The following CACNA2D2 variants were observed in gnomAD, a reference collection of about 807,000 sequenced individuals.
CACNA2D2 encodes the protein voltage-dependent calcium channel subunit alpha-2/delta-2.
Under a neutral mutation model 166.4 loss-of-function variants are expected in CACNA2D2, and 48 were observed. That is an observed-to-expected ratio of 0.29 (90% CI 0.23 to 0.37). The LOEUF (loss-of-function observed/expected upper bound fraction) is 0.37, where lower values mean the gene tolerates loss of function less well. CACNA2D2 is among the 10% of genes least tolerant of loss of function. CACNA2D2 has a pLI of 1.00. For synonymous variants in CACNA2D2, 561 were observed against 573.7 expected (o/e 0.98, Z 0.32); for missense variants, 1,122 against 1,433.0 (o/e 0.78, Z 3.50).
rs79686924 is a variant in CACNA2D2, at chr3:50,374,948, G to T, written c.1908-135C>A. 6.4e-3 allele frequency: 4,739 copies of T among 736,100 alleles called. 33 individuals carry two copies. Among genetic ancestry groups the T allele is most frequent in the Non-Finnish European group, 7.6e-3 (3,267 of 430,904 alleles). 45.6% of individuals were successfully genotyped at this position (736,100 alleles called of 1,614,324 possible). On this transcript the variant is annotated intron_variant, in intron 21 of 37. Coordinates refer to ENST00000424201, the MANE Select transcript of CACNA2D2 (RefSeq NM_006030.4). ...CCCACCACCAGGGACCCCTCTCCCCGCTTAGCTGCAGGAGGTTCATGGTCT... is the reference window on the plus strand; with the variant it reads ...CCCACCACCAGGGACCCCTCTCCCCTCTTAGCTGCAGGAGGTTCATGGTCT...
At chr3:50,444,881 A>G (rs1243621719) in intron 2 of CACNA2D2, among the ~76,000 whole-genome samples, 3 of 152,188 alleles carry the variant, frequency 2.0e-5, no homozygotes, top group Non-Finnish European at 4.4e-5. Flanking sequence ...GTACCAGTGC[A>G]CAGATGCAGC....
At chr3:50,443,396 G>A (rs1368196598) in intron 2 of CACNA2D2, among the ~76,000 whole-genome samples, 1 of 152,216 alleles carries the variant, frequency 6.6e-6, no homozygotes, top group Admixed American at 6.5e-5. Context: ...GCCAGACAGG[G>A]CTCAGCGCAT....
chr3:50,394,299 G>A (rs1219508452), intron 3 of CACNA2D2, 131 bp from the exon 4 acceptor site: 3 of 709,740 alleles, frequency 4.2e-6, no homozygotes, highest in Non-Finnish European at 7.6e-6. Context: ...CTCATCCTAC[G>A]AGACCCTCAG....
At chr3:50,489,682 C>G (rs1698443325) in intron 1 of CACNA2D2, among the ~76,000 whole-genome samples, 1 of 152,210 alleles carries the variant, frequency 6.6e-6, no homozygotes, top group South Asian at 2.1e-4. Flanking sequence ...AAGCCTCTCC[C>G]CTACTCAACT....
intron 2 of CACNA2D2, among the ~76,000 whole-genome samples, chr3:50,449,452 G>A (rs1055350468): frequency 6.6e-6 from 1 of 152,186 alleles, no homozygotes; most frequent in Non-Finnish European, 1.5e-5. Context: ...CACTCCTTAG[G>A]CTCAACCCTG....
rs927713126 is a variant in CACNA2D2 at position 50,379,355 on chromosome 3, C to G, written c.1152+77G>C. The G allele has an allele frequency of 1.9e-6, 3 of 1,554,774 alleles. No homozygotes were observed. Among genetic ancestry groups the G allele is most frequent in the African/African-American group, 2.7e-5 (2 of 73,674 alleles). Reference sequence around the variant, plus strand: ...CCTGTTTGGTGCTAACGAGGCCATCCGTCTTGATTTCCTGGGTACACCAAG... The same window carrying G: ...CCTGTTTGGTGCTAACGAGGCCATCGGTCTTGATTTCCTGGGTACACCAAG... On this transcript the variant is annotated intron_variant, in intron 11 of 37. Transcript: ENST00000424201. This position sits in a 1 kb window ranked among gnomAD's most constrained non-coding sequence, Gnocchi z 6.5.
rs1709738874 is a variant in CACNA2D2, at chr3:50,464,505, C to CCGTT, written c.288+11612_288+11613insAACG. On this transcript the variant is annotated intron_variant, in intron 2 of 37. Coordinates refer to ENST00000424201, the MANE Select transcript of CACNA2D2 (RefSeq NM_006030.4). The stretch of plus-strand genomic sequence containing the variant: ...CTGGTGGCCCTGTTCAATGAGGGAA[C>CCGTT]CTATCCAGCCTCCTGGGAAACCCTG... 3.9e-5 allele frequency among the ~76,000 whole-genome samples: 6 copies of CCGTT among 152,276 alleles called. No homozygotes were observed. The South Asian group carries it at 1.2e-3, about 32-fold the overall frequency.
chr3:50,439,044 A>C (rs1327977907), intron 2 of CACNA2D2, among the ~76,000 whole-genome samples: 2 of 152,272 alleles, frequency 1.3e-5, no homozygotes, highest in Non-Finnish European at 2.9e-5. Flanking sequence ...GTTAAGGCGC[A>C]TGCAAAACTG....
At chr3:50,396,966 A>G (rs967079116) in intron 3 of CACNA2D2, among the ~76,000 whole-genome samples, 10 of 152,178 alleles carry the variant, frequency 6.6e-5, no homozygotes, top group Admixed American at 5.9e-4. Context: ...AGGCTGGGCC[A>G]TGACCCTGAG....
intron 2 of CACNA2D2, among the ~76,000 whole-genome samples, chr3:50,475,838 C>G (rs1710286175): frequency 6.6e-6 from 1 of 152,258 alleles, no homozygotes; most frequent in African/African-American, 2.4e-5. Flanking sequence ...AGACACAGAC[C>G]TCTCCCTCCT....
Position 50,367,348 on chromosome 3 carries a change from G to T in CACNA2D2, c.2401+46C>A. 1 of 1,539,340 alleles carries T rather than the reference G, an allele frequency of 6.5e-7. No individual in the cohort carries two copies. The highest frequency in any genetic ancestry group is 9.0e-7 in the Non-Finnish European group (1 of 1,114,732). ...CAGTTCTGGCTGAGCAGACAGGGAA[G>T]CTGAGGCTCCCTGCCTGCTGCTGGG... On this transcript the variant is annotated intron_variant, in intron 27 of 37. Coordinates refer to ENST00000424201, the MANE Select transcript of CACNA2D2 (RefSeq NM_006030.4). This position sits in a 1 kb window ranked among gnomAD's most constrained non-coding sequence, Gnocchi z 6.5.
chr3:50,412,659 C>T (rs763541886), intron 3 of CACNA2D2, among the ~76,000 whole-genome samples: 4 of 152,170 alleles, frequency 2.6e-5, no homozygotes, highest in Admixed American at 6.5e-5. Context: ...GATGCAGCTG[C>T]TGCTCTGAGG....
chr3:50,365,939 A>T lies in CACNA2D2; in HGVS notation c.2862+72T>A. The T allele has an allele frequency of 6.2e-7, 1 of 1,611,596 alleles. No homozygotes were observed. The highest frequency in any genetic ancestry group is 8.5e-7 in the Non-Finnish European group (1 of 1,178,996). On this transcript the variant is annotated intron_variant, in intron 32 of 37. Transcript: ENST00000424201. The surrounding 1 kb of genome is among the most constrained non-coding windows in gnomAD (Gnocchi z 4.5). ...CACCCCCAGCTTTATCAAATGTCAGAGGTAGGGGGTCATCTGTGGGCAGGT... is the reference window on the plus strand; with the variant it reads ...CACCCCCAGCTTTATCAAATGTCAGTGGTAGGGGGTCATCTGTGGGCAGGT...
intron 1 of CACNA2D2, among the ~76,000 whole-genome samples, chr3:50,484,666 C>T (rs1364144259): frequency 6.6e-6 from 1 of 152,230 alleles, no homozygotes; most frequent in Non-Finnish European, 1.5e-5. Flanking sequence ...ATTGCACCCC[C>T]CCCAGCAGCA....
Position 50,363,467 on chromosome 3 carries a change from T to TATGTGTGTGCACAGAGC in CACNA2D2, c.*1198_*1199insGCTCTGTGCACACACAT. On this transcript the variant is annotated 3_prime_UTR_variant, in exon 38 of 38. Coordinates refer to ENST00000424201, the MANE Select transcript of CACNA2D2 (RefSeq NM_006030.4). ...TGAAGAGCTGTGCCCAGTCCCCACC[T>TATGTGTGTGCACAGAGC]GTGTGTGTGTGTGTGTGTGTGTGTT... 1 of 147,034 alleles carries TATGTGTGTGCACAGAGC rather than the reference T, an allele frequency of 6.8e-6. No individual in the cohort carries two copies. The highest frequency in any genetic ancestry group is 6.2e-5 in the Admixed American group (1 of 16,178). 9.1% of individuals were successfully genotyped at this position (147,034 alleles called of 1,614,324 possible). A position where few individuals can be genotyped will look rare whatever the true frequency, so the allele number is the denominator to read the frequency against.
At chr3:50,382,196 C>T (rs777585401) in intron 6 of CACNA2D2, among the ~76,000 whole-genome samples, 2 of 152,136 alleles carry the variant, frequency 1.3e-5, no homozygotes, top group Admixed American at 1.3e-4. Flanking sequence ...TAGGACAAAA[C>T]GGCAGGAGTG....
rs1707839158 is a variant in CACNA2D2, at chr3:50,427,092, G to A, written c.405+7221C>T. The stretch of plus-strand genomic sequence containing the variant: ...TGCCCAAGGCTCACGCTGACCCCAG[G>A]GACACTTGGGTTTACCGTCCCTTCC... On this transcript the variant is annotated intron_variant, in intron 3 of 37. Transcript: ENST00000424201. This position sits in a 1 kb window ranked among gnomAD's most constrained non-coding sequence, Gnocchi z 4.7. Among the ~76,000 whole-genome samples, 1 of 152,180 alleles carries A rather than the reference G, an allele frequency of 6.6e-6. No homozygotes were observed. Among genetic ancestry groups the A allele is most frequent in the Non-Finnish European group, 1.5e-5 (1 of 68,018 alleles).
At chr3:50,381,643 A>C (rs1336555414) in intron 6 of CACNA2D2, among the ~76,000 whole-genome samples, 1 of 13,188 alleles carries the variant, frequency 7.6e-5, no homozygotes, top group East Asian at 1.9e-3. Context: ...AGAAGCAAGC[A>C]GGGGTGGGGG....
intron 3 of CACNA2D2, among the ~76,000 whole-genome samples, chr3:50,405,427 G>A (rs1198982585): frequency 6.6e-6 from 1 of 152,140 alleles, no homozygotes; most frequent in Non-Finnish European, 1.5e-5. Context: ...AAGCAGCTTG[G>A]GCGAAGACTT....
Sources: allele counts gnomAD v4.1 joint callset (sites outside exome capture counted in the v4.1 genomes callset), GRCh38; gene constraint gnomAD v4.1.1; non-coding constraint Gnocchi (gnomAD v3.1); transcripts MANE v1.5; gene names NCBI Gene and HGNC (gene_info 2026-07-23, HGNC 2026-07-21).